The following SMOC2 variants were observed in gnomAD, a reference collection of about 807,000 sequenced individuals.
SMOC2 encodes the protein SPARC related modular calcium binding 2.
Under a neutral mutation model 61.4 loss-of-function variants are expected in SMOC2, and 39 were observed. That is an observed-to-expected ratio of 0.64 (90% confidence interval 0.49 to 0.83). SMOC2 has a LOEUF of 0.83. SMOC2 is among the 40% of genes least tolerant of loss of function. SMOC2 has a pLI of 0.00. For synonymous variants in SMOC2, 247 were observed against 239.9 expected, an observed-to-expected ratio of 1.03 and a Z score of -0.27; for missense variants, 556 against 592.9, an observed-to-expected ratio of 0.94 and a Z score of 0.65.
rs139582073 is a variant in SMOC2, at chr6:168,624,872, AACACAC to A, written c.907+16639_907+16644del. Among the ~76,000 whole-genome samples the A allele has an allele frequency of 4.2e-4, 64 of 151,200 alleles. 1 individual carries two copies. The highest frequency in any genetic ancestry group is 7.8e-4 in the African/African-American group (32 of 41,108). On this transcript the variant is annotated intron_variant, in intron 9 of 12. Transcript: ENST00000356284. Reference sequence around the variant, plus strand: ...ACACAGACACACACACATTCACAGAAACACACACACAAACACAGATACATAAACACA... The same window carrying A: ...ACACAGACACACACACATTCACAGAAACACAAACACAGATACATAAACACA...
chr6:168,510,805 C>T (rs982706450), intron 2 of SMOC2, among the ~76,000 whole-genome samples: 1 of 152,216 alleles, frequency 6.6e-6, no homozygotes, highest in Admixed American at 6.5e-5. Context: ...TAAGCTTGCT[C>T]TTCCTTTCAT....
intron 1 of SMOC2, among the ~76,000 whole-genome samples, chr6:168,469,663 A>G (rs1781926471): frequency 6.6e-6 from 1 of 152,232 alleles, no homozygotes; most frequent in African/African-American, 2.4e-5. Flanking sequence ...CTCGGAGCCG[A>G]TGACATTTGC....
chr6:168,591,733 C>T (rs976296721), intron 7 of SMOC2, among the ~76,000 whole-genome samples: 7 of 150,482 alleles, frequency 4.7e-5, no homozygotes, highest in Non-Finnish European at 1.0e-4. Context: ...CTTCTATTTG[C>T]GTCTTTTTCA....
rs1456689257 is a variant in SMOC2, at chr6:168,553,153, A to G, written c.637+3950A>G. ...ACTTATATTGATTTAAATTTAATAA[A>G]TATATAAGTCAAACATTCTCTTGGC... On this transcript the variant is annotated intron_variant, in intron 7 of 12. Transcript: ENST00000356284. The surrounding 1 kb of genome is among the most constrained non-coding windows in gnomAD (Gnocchi z 4.2). Among the ~76,000 whole-genome samples the G allele has an allele frequency of 2.6e-5, 4 of 152,322 alleles. No individual in the cohort carries two copies. In the East Asian group the frequency reaches 7.7e-4, roughly 29 times the overall value.
At chr6:168,461,487 A>G (rs909909025) in intron 1 of SMOC2, among the ~76,000 whole-genome samples, 15 of 152,270 alleles carry the variant, frequency 9.9e-5, no homozygotes, top group African/African-American at 3.4e-4. Context: ...TTTTATGACA[A>G]CTTTTTAGGT....
chr6:168,539,487 C>T (rs977619130), intron 4 of SMOC2, among the ~76,000 whole-genome samples: 5 of 152,234 alleles, frequency 3.3e-5, no homozygotes, highest in Admixed American at 6.5e-5. Flanking sequence ...GAGATCAAAT[C>T]GTGGATCTGA....
At chr6:168,514,573 C>G (rs5016786) in intron 2 of SMOC2, among the ~76,000 whole-genome samples, 136,246 of 152,140 alleles carry the variant, frequency 0.9, 61,925 homozygotes, top group East Asian at 1. Context: ...AGTTATAAAT[C>G]TCAGCTATCT....
At chr6:168,594,057 C>T (rs371335721) in intron 7 of SMOC2, among the ~76,000 whole-genome samples, 4 of 65,902 alleles carry the variant, frequency 6.1e-5, no homozygotes, top group African/African-American at 5.4e-5. Context: ...TGAGGCCTCA[C>T]GGGCATCTTT....
intron 1 of SMOC2, among the ~76,000 whole-genome samples, chr6:168,508,697 C>A (rs1156824316): frequency 6.6e-6 from 1 of 152,148 alleles, no homozygotes; most frequent in Non-Finnish European, 1.5e-5. Context: ...CCCTATTTTC[C>A]CCCTGCTCAA....
chr6:168,546,251 G>GA lies in SMOC2; in HGVS notation c.512-842dup, dbSNP rs143673157. On this transcript the variant is annotated intron_variant, in intron 5 of 12. Transcript: ENST00000356284. ...CAAAATGATATAAGCAAGCTTCAGT[G>GA]AAAAAAAAAAAAAAAAAAAAAAAAA... 1.0e-3 allele frequency among the ~76,000 whole-genome samples: 67 copies of GA among 66,456 alleles called. 2 individuals carry two copies. The highest frequency in any genetic ancestry group is 1.6e-3 in the Non-Finnish European group (56 of 34,524). 43.6% of individuals were successfully genotyped at this position (66,456 alleles called of 152,430 possible). A position where few individuals can be genotyped will look rare whatever the true frequency, so the allele number is the denominator to read the frequency against.
Position 168,517,195 on chromosome 6 carries a change from C to T in SMOC2, c.256+7109C>T, listed in dbSNP as rs575885550. ...CCCCAGACAGTCAGCTGTGAGGCCT[C>T]GCTCTGAGGCCTGTCTGCGGCTGTC... On this transcript the variant is annotated intron_variant, in intron 2 of 12. Transcript: ENST00000356284. 4.0e-5 allele frequency among the ~76,000 whole-genome samples: 6 copies of T among 151,668 alleles called. No homozygotes were observed. The South Asian group carries it at 6.4e-4, about 16-fold the overall frequency.
chr6:168,462,375 CTG>C (rs1458144033), intron 1 of SMOC2, among the ~76,000 whole-genome samples: 2 of 152,176 alleles, frequency 1.3e-5, no homozygotes, highest in Non-Finnish European at 2.9e-5. Flanking sequence ...CTGCCTGAGT[CTG>C]TATGTTGAAT....
intron 9 of SMOC2, among the ~76,000 whole-genome samples, chr6:168,609,022 T>A (rs894203427): frequency 6.6e-6 from 1 of 152,142 alleles, no homozygotes; most frequent in East Asian, 1.9e-4. Flanking sequence ...GGTAGAAAGG[T>A]TTTAAATTGT....
intron 1 of SMOC2, among the ~76,000 whole-genome samples, chr6:168,474,997 C>A (rs1222199948): frequency 6.6e-6 from 1 of 151,956 alleles, no homozygotes; most frequent in Admixed American, 6.6e-5. Context: ...CTAAGGATTC[C>A]GATACATTTT....
At chr6:168,602,497 A>G (rs1785576631) in intron 8 of SMOC2, among the ~76,000 whole-genome samples, 2 of 152,062 alleles carry the variant, frequency 1.3e-5, no homozygotes, top group African/African-American at 2.4e-5. Flanking sequence ...CCCTCACACT[A>G]ATTGGCCGGA....
intron 1 of SMOC2, among the ~76,000 whole-genome samples, chr6:168,488,354 C>T (rs889471911): frequency 1.2e-4 from 18 of 152,210 alleles, no homozygotes; most frequent in Admixed American, 1.2e-3. Context: ...TATGAGGGTG[C>T]TAGTTGCATG....
In SMOC2 at chr6:168,667,220, A is replaced by C. The variant is rs1247118777; in HGVS notation, c.*782A>C. 6.6e-6 allele frequency: 1 copy of C among 152,194 alleles called. No homozygotes were observed. The highest frequency in any genetic ancestry group is 1.9e-4 in the East Asian group (1 of 5,186). 9.4% of individuals were successfully genotyped at this position (152,194 alleles called of 1,614,324 possible). A position where few individuals can be genotyped will look rare whatever the true frequency, so the allele number is the denominator to read the frequency against. On this transcript the variant is annotated 3_prime_UTR_variant, in exon 13 of 13. Transcript: ENST00000356284. ...GGAGGGGCCCATCCTTCCAAAATGT[A>C]AATCCAGTCGCGGTGTGACCGAGCT...
chr6:168,613,331 G>T (rs9295077), intron 9 of SMOC2, among the ~76,000 whole-genome samples: 28,781 of 152,086 alleles, frequency 0.19, 2,850 homozygotes, highest in South Asian at 0.28. Flanking sequence ...TCCTGATGTT[G>T]GTGGTTCAGC....
chr6:168,534,099 A>C lies in SMOC2; in HGVS notation c.463+6372A>C, dbSNP rs1472272793. 2.0e-5 allele frequency among the ~76,000 whole-genome samples: 3 copies of C among 151,822 alleles called. No individual in the cohort carries two copies. The Admixed American group carries it at 2.0e-4, about 10-fold the overall frequency. Reference sequence around the variant, plus strand: ...CCCCACCATCTCTACAAAAAATAAAAATTTAAAAATTTAAAACAATTAAAA... The same window carrying C: ...CCCCACCATCTCTACAAAAAATAAACATTTAAAAATTTAAAACAATTAAAA... On this transcript the variant is annotated intron_variant, in intron 4 of 12. Coordinates refer to ENST00000356284, the MANE Select transcript of SMOC2 (RefSeq NM_001166412.2).
Sources: allele counts gnomAD v4.1 joint callset (sites outside exome capture counted in the v4.1 genomes callset), GRCh38; gene constraint gnomAD v4.1.1; non-coding constraint Gnocchi (gnomAD v3.1); transcripts MANE v1.5; gene names NCBI Gene and HGNC (gene_info 2026-07-23, HGNC 2026-07-21).